The following SUGCT variants were observed in gnomAD, a reference collection of about 807,000 sequenced individuals.
The protein encoded by SUGCT is succinyl-CoA:glutarate CoA-transferase.
SUGCT carries 41 observed loss-of-function variants against 55.0 expected under a neutral mutation model. The ratio of observed to expected loss-of-function variants is 0.74; its 90% CI spans 0.58 to 0.97. The LOEUF (loss-of-function observed/expected upper bound fraction) is 0.97. Ranked by LOEUF, SUGCT falls within the 50% of genes least tolerant of loss-of-function variation. The pLI is 0.00. For synonymous variants in SUGCT, 187 were observed against 200.4 expected (o/e 0.93, Z 0.56); for missense variants, 568 against 547.8 (o/e 1.04, Z -0.37).
intron 13 of SUGCT, among the ~76,000 whole-genome samples, chr7:40,819,659 C>T (rs1791873850): frequency 6.6e-6 from 1 of 152,112 alleles, no homozygotes; most frequent in Admixed American, 6.5e-5. Context: ...TGGATATTAG[C>T]CCTTTGTCAG....
At chr7:40,182,760 A>G (rs1453530366) in intron 3 of SUGCT, among the ~76,000 whole-genome samples, 1 of 152,116 alleles carries the variant, frequency 6.6e-6, no homozygotes, top group African/African-American at 2.4e-5. Context: ...AAAGCAACTT[A>G]TTTAGGGGCA....
chr7:40,772,079 G>T (rs372534529), intron 13 of SUGCT, among the ~76,000 whole-genome samples: 4 of 152,036 alleles, frequency 2.6e-5, no homozygotes, highest in African/African-American at 9.7e-5. Flanking sequence ...GCCCCCTCAA[G>T]CTCCCTGAAG....
At chr7:40,152,185 A>C (rs1390524328) in intron 1 of SUGCT, among the ~76,000 whole-genome samples, 1 of 152,206 alleles carries the variant, frequency 6.6e-6, no homozygotes, top group Non-Finnish European at 1.5e-5. Flanking sequence ...CTTGTGGATA[A>C]TTTGTTAGTT....
chr7:40,269,182 A>T (rs1034772343), intron 7 of SUGCT, among the ~76,000 whole-genome samples: 15 of 151,974 alleles, frequency 9.9e-5, no homozygotes, highest in African/African-American at 3.4e-4. Flanking sequence ...TTTAATTTAC[A>T]TTTCTCTGAC....
chr7:40,657,604 G>A (rs1376732278), intron 12 of SUGCT, among the ~76,000 whole-genome samples: 7 of 151,950 alleles, frequency 4.6e-5, no homozygotes, highest in African/African-American at 7.3e-5. Flanking sequence ...GCGCAGTCTC[G>A]GCTCACTGCA....
At chr7:40,238,872 G>A (rs542772523) in intron 7 of SUGCT, among the ~76,000 whole-genome samples, 62 of 149,278 alleles carry the variant, frequency 4.2e-4, no homozygotes, top group African/African-American at 1.5e-3. Flanking sequence ...CCAGGCTAGA[G>A]TGCAGTGGCG....
At chr7:40,997,050 C>T in the SUGCT span, among the ~76,000 whole-genome samples, 2 of 152,132 alleles carry the variant, frequency 1.3e-5, no homozygotes, top group African/African-American at 4.8e-5. Context: ...CTGAGCCTGC[C>T]CCAAGCCACA....
intron 13 of SUGCT, chr7:40,775,502 AC>A (rs1251824477): frequency 1.3e-5 from 2 of 152,246 alleles, no homozygotes; most frequent in Non-Finnish European, 2.9e-5. Flanking sequence ...TGCCTAACAT[AC>A]ACTGTTTTAG....
At chr7:40,722,916 A>G (rs1043735991) in intron 12 of SUGCT, among the ~76,000 whole-genome samples, 1 of 152,076 alleles carries the variant, frequency 6.6e-6, no homozygotes, top group Non-Finnish European at 1.5e-5. Flanking sequence ...CAACATCTGT[A>G]CTCTCAAGTT....
the SUGCT span, among the ~76,000 whole-genome samples, chr7:40,884,461 G>T: frequency 6.6e-6 from 1 of 152,220 alleles, no homozygotes; most frequent in Non-Finnish European, 1.5e-5. Flanking sequence ...TCAGTGGGGT[G>T]CTGTGGGCTC....
At chr7:40,809,428 GCTCT>G (rs757996158) in intron 13 of SUGCT, among the ~76,000 whole-genome samples, 13 of 152,050 alleles carry the variant, frequency 8.5e-5, no homozygotes, top group South Asian at 4.2e-4. Flanking sequence ...GTGTGTGTGT[GCTCT>G]CTCTTTCACA....
At chr7:40,335,028 GT>G (rs2151159552) in intron 9 of SUGCT, among the ~76,000 whole-genome samples, 1 of 152,254 alleles carries the variant, frequency 6.6e-6, no homozygotes, top group South Asian at 2.1e-4. Flanking sequence ...CCCATTTCTT[GT>G]TTTTCTCAGG....
At chr7:40,571,211 T>C (rs1796432755) in intron 12 of SUGCT, among the ~76,000 whole-genome samples, 1 of 152,218 alleles carries the variant, frequency 6.6e-6, no homozygotes, top group Admixed American at 6.5e-5. Flanking sequence ...CCTTGCCACA[T>C]TTTAATTATC....
At chr7:40,564,349 C>A (rs981409727) in intron 12 of SUGCT, among the ~76,000 whole-genome samples, 2 of 152,168 alleles carry the variant, frequency 1.3e-5, no homozygotes, top group Admixed American at 1.3e-4. Context: ...GCACTCCAGC[C>A]TGGGCGACCT....
intron 12 of SUGCT, among the ~76,000 whole-genome samples, chr7:40,722,064 C>T (rs1786366612): frequency 6.6e-6 from 1 of 151,448 alleles, no homozygotes; most frequent in African/African-American, 2.4e-5. Context: ...GACCATTCTC[C>T]CAGTAATTTT....
At chr7:40,473,401 T>C (rs1790502026) in intron 11 of SUGCT, among the ~76,000 whole-genome samples, 1 of 152,180 alleles carries the variant, frequency 6.6e-6, no homozygotes, top group Non-Finnish European at 1.5e-5. Context: ...TTGATTGAAA[T>C]ATTATTTTTC....
intron 12 of SUGCT, among the ~76,000 whole-genome samples, chr7:40,506,353 AGTAAT>A (rs1792592095): frequency 6.6e-6 from 1 of 152,052 alleles, no homozygotes; most frequent in South Asian, 2.1e-4. Context: ...TTTGATAATA[AGTAAT>A]GTGGTAATCT....
intron 12 of SUGCT, among the ~76,000 whole-genome samples, chr7:40,649,554 A>G (rs1800676909): frequency 6.6e-6 from 1 of 152,194 alleles, no homozygotes; most frequent in Non-Finnish European, 1.5e-5. Context: ...TATTTTCTAT[A>G]TTAATTCTAT....
At chr7:40,368,481 G>A (rs1784124984) in intron 9 of SUGCT, among the ~76,000 whole-genome samples, 1 of 151,972 alleles carries the variant, frequency 6.6e-6, no homozygotes, top group African/African-American at 2.4e-5. Context: ...ACAGGTGTGA[G>A]CCACCACACC....
Sources: allele counts gnomAD v4.1 joint callset (sites outside exome capture counted in the v4.1 genomes callset), GRCh38; gene constraint gnomAD v4.1.1; transcripts MANE v1.5; gene names NCBI Gene and HGNC (gene_info 2026-07-23, HGNC 2026-07-21).